The following MAST4 variants were observed in gnomAD, a reference collection of about 807,000 sequenced individuals.
The protein encoded by MAST4 is microtubule-associated serine/threonine-protein kinase 4.
MAST4 carries 89 observed loss-of-function variants against 162.7 expected under a neutral mutation model. That is an observed-to-expected ratio of 0.55 (90% CI 0.46 to 0.65). The LOEUF (loss-of-function observed/expected upper bound fraction) is 0.65. Ranked by LOEUF, MAST4 falls within the 30% of genes least tolerant of loss-of-function variation. MAST4 has a pLI of 0.00. For synonymous variants in MAST4, 1,479 were observed against 1,361.1 expected, an observed-to-expected ratio of 1.09 and a Z score of -1.91; for missense variants, 3,153 against 3,374.0, an observed-to-expected ratio of 0.93 and a Z score of 1.62.
intron 4 of MAST4, among the ~76,000 whole-genome samples, chr5:66,968,731 G>C (rs1441368502): frequency 6.6e-6 from 1 of 152,064 alleles, no homozygotes; most frequent in Non-Finnish European, 1.5e-5. Context: ...TTGAGAAAAA[G>C]GACTTATTTT....
At chr5:66,885,017 T>C (rs768759189) in intron 3 of MAST4, among the ~76,000 whole-genome samples, 2 of 152,240 alleles carry the variant, frequency 1.3e-5, no homozygotes, top group Non-Finnish European at 2.9e-5. Context: ...CGGAGTGTTA[T>C]GCAAGTAGCT....
intron 4 of MAST4, among the ~76,000 whole-genome samples, chr5:66,961,301 G>T (rs1581023753): frequency 6.6e-6 from 1 of 152,322 alleles, no homozygotes; most frequent in Admixed American, 6.5e-5. Flanking sequence ...GAATCTTACA[G>T]TCTTAACTCA....
chr5:66,898,565 A>G (rs987841638), intron 3 of MAST4, among the ~76,000 whole-genome samples: 6 of 152,228 alleles, frequency 3.9e-5, no homozygotes, highest in Non-Finnish European at 7.4e-5. Flanking sequence ...AGCAAACACT[A>G]TAATTTCTTG....
chr5:66,599,953 A>T (rs1356249849), intron 1 of MAST4, among the ~76,000 whole-genome samples: 2 of 150,864 alleles, frequency 1.3e-5, no homozygotes, highest in Non-Finnish European at 2.9e-5. Flanking sequence ...TTACAGTAAC[A>T]TTGTATCAAA....
chr5:66,738,285 C>G (rs2149567801), intron 1 of MAST4: 1 of 152,280 alleles, frequency 6.6e-6, no homozygotes, highest in South Asian at 2.1e-4. Context: ...GATCTCACAC[C>G]CACAATTTAG....
intron 3 of MAST4, among the ~76,000 whole-genome samples, chr5:66,826,194 T>C (rs1053181237): frequency 6.6e-6 from 1 of 152,172 alleles, no homozygotes; most frequent in African/African-American, 2.4e-5. Context: ...AATGTATGTG[T>C]ATCACTTCTC....
At position 66,935,525 on chromosome 5, in the gene MAST4, G is replaced by A. The variant is rs563245137; in HGVS notation, c.674+35543G>A. ...GTGTCCTTTCTTCCCTTTCTGTCCC[G>A]GAGAAGCCTGAGGGAAGCCTGTCAG... On this transcript the variant is annotated intron_variant, in intron 4 of 28. Transcript: ENST00000403625. Among the ~76,000 whole-genome samples the A allele has an allele frequency of 2.4e-4, 36 of 152,072 alleles. 1 individual carries two copies. In the South Asian group the frequency reaches 6.4e-3, roughly 27 times the overall value.
intron 4 of MAST4, among the ~76,000 whole-genome samples, chr5:67,012,323 A>T (rs1752785465): frequency 6.6e-6 from 1 of 152,202 alleles, no homozygotes. Context: ...AATTTGGGAA[A>T]GTCCTTCTTC....
chr5:66,959,260 C>T (rs762970288), intron 4 of MAST4: 15 of 779,672 alleles, frequency 1.9e-5, no homozygotes, highest in South Asian at 1.7e-4. Context: ...GAAAGCCCAG[C>T]GGGAAAGGCT....
Position 67,166,962 on chromosome 5 carries a change from ATC to A in MAST4, c.7789_7790del (p.Leu2597PhefsTer2), listed in dbSNP as rs1189644988. On this transcript the variant is annotated frameshift_variant, in exon 29 of 29. Coordinates refer to ENST00000403625, the MANE Select transcript of MAST4 (RefSeq NM_001164664.2). LOFTEE classifies it high-confidence loss of function. ...CCCAGCCCCAAACACTGACCGCCCC[ATC>A]TCTCTTTCTAATGAGAAGGACTTTG... ...PSPAPNTDRPISLSNEKDFVV... is the reference protein window; with the variant it reads ...PSPAPNTDRPXSLSNEKDFVV... 22 of 1,612,524 alleles carry A rather than the reference ATC, an allele frequency of 1.4e-5. No homozygotes were observed. The highest frequency in any genetic ancestry group is 1.7e-5 in the Non-Finnish European group (20 of 1,179,738).
At chr5:66,769,207 G>T (rs961857395) in intron 2 of MAST4, among the ~76,000 whole-genome samples, 3 of 152,166 alleles carry the variant, frequency 2.0e-5, no homozygotes, top group Non-Finnish European at 4.4e-5. Flanking sequence ...GAGAGGCCTG[G>T]TCAAGGGTCA....
chr5:67,164,493 C>G lies in MAST4; in HGVS notation c.5314C>G (p.Pro1772Ala). Reference sequence around the variant, plus strand: ...CCGGGTGGACAGTGGAACGGAGAAGCCTGGCTTGGTTGCTCCTGAGTCCCC... The same window carrying G: ...CCGGGTGGACAGTGGAACGGAGAAGGCTGGCTTGGTTGCTCCTGAGTCCCC... ...TGRVDSGTEK[P>A]GLVAPESPVR... Residue 1772 changes from proline (P) to alanine (A), a missense_variant, in exon 29 of 29, where the codon CCT (proline) becomes GCT (alanine). Transcript: ENST00000403625. The surrounding 1 kb of genome is among the most constrained non-coding windows in gnomAD (Gnocchi z 5.3). 2 of 1,614,018 alleles carry G rather than the reference C, an allele frequency of 1.2e-6. No homozygotes were observed. The highest frequency in any genetic ancestry group is 1.3e-5 in the African/African-American group (1 of 75,064).
intron 4 of MAST4, among the ~76,000 whole-genome samples, chr5:66,912,233 G>A (rs570971676): frequency 6.6e-6 from 1 of 152,256 alleles, no homozygotes; most frequent in Admixed American, 6.5e-5. Flanking sequence ...GGAGAGTTTT[G>A]CTCCTTTTCT....
chr5:66,669,200 A>G (rs991470237), intron 1 of MAST4, among the ~76,000 whole-genome samples: 3 of 152,212 alleles, frequency 2.0e-5, no homozygotes, highest in Admixed American at 6.5e-5. Flanking sequence ...CTAAAGAGAT[A>G]GAAGGGTGAT....
At chr5:66,698,914 T>C (rs1481623884) in intron 1 of MAST4, among the ~76,000 whole-genome samples, 3 of 152,238 alleles carry the variant, frequency 2.0e-5, no homozygotes, top group Non-Finnish European at 4.4e-5. Context: ...TCACTTGAAC[T>C]CTTGTACTTC....
At chr5:67,031,737 T>A (rs1755352735) in intron 4 of MAST4, among the ~76,000 whole-genome samples, 1 of 152,098 alleles carries the variant, frequency 6.6e-6, no homozygotes, top group Non-Finnish European at 1.5e-5. Context: ...ATTGTTAGAG[T>A]TTCTAAAGAT....
chr5:67,140,804 G>C (rs1246495321), intron 19 of MAST4, among the ~76,000 whole-genome samples: 1 of 152,222 alleles, frequency 6.6e-6, no homozygotes, highest in East Asian at 1.9e-4. Context: ...CTCAGTCATA[G>C]CTGCTCATGC....
intron 1 of MAST4, among the ~76,000 whole-genome samples, chr5:66,746,727 T>C (rs767526693): frequency 6.0e-4 from 92 of 152,158 alleles, no homozygotes; most frequent in Non-Finnish European, 9.3e-4. Context: ...TGACTTCAGA[T>C]AGGTAAACAA....
At chr5:66,860,611 T>G (rs1580685345) in intron 3 of MAST4, among the ~76,000 whole-genome samples, 1 of 151,490 alleles carries the variant, frequency 6.6e-6, no homozygotes. Flanking sequence ...CCTTTTTCGT[T>G]TTTTTTTTCT....
Sources: gnomAD v4.1 joint callset for allele counts (sites outside exome capture counted in the v4.1 genomes callset) on GRCh38, gnomAD v4.1.1 for gene constraint, Gnocchi (gnomAD v3.1) non-coding constraint, MANE v1.5 for transcripts, NCBI Gene and HGNC (gene_info 2026-07-23, HGNC 2026-07-21) for gene names.